Variants in ZNF706 observed in about 807,000 individuals in gnomAD.
ZNF706 encodes zinc finger protein 706.
Under a neutral mutation model 9.2 loss-of-function variants are expected in ZNF706, and 4 were observed. The observed-to-expected ratio is 0.43, with a 90% confidence interval of 0.21 to 0.99. The LOEUF (loss-of-function observed/expected upper bound fraction) is 0.99, where lower values mean the gene tolerates loss of function less well. Among genes scored for constraint, ZNF706 ranks in the 50% least tolerant of loss-of-function variants. ZNF706 has a pLI of 0.26. For synonymous variants in ZNF706, 28 were observed against 27.3 expected (o/e 1.03, Z -0.08); for missense variants, 27 against 87.8 (o/e 0.31, Z 2.77).
rs984534250 is a variant in ZNF706 at position 101,198,524 on chromosome 8, T to C, written c.*728A>G. ...TTAATGATTATTTCATTACGGCATA[T>C]ACATTAGAACCTAACCTTTCACAAG... On this transcript the variant is annotated 3_prime_UTR_variant, in exon 4 of 4. Coordinates refer to ENST00000311212, the MANE Select transcript of ZNF706 (RefSeq NM_016096.5). 2 of 152,230 alleles carry C rather than the reference T, an allele frequency of 1.3e-5. No individual in the cohort carries two copies. The allele number at this position is 152,230 out of a possible 1,614,324, so 9.4% of individuals were successfully genotyped here.
chr8:101,198,398 A>C lies in ZNF706; in HGVS notation c.*854T>G, dbSNP rs1416543138. On this transcript the variant is annotated 3_prime_UTR_variant, in exon 4 of 4. Transcript: ENST00000311212. ...CAAAAACCTCAAAAATTAATGTTTC[A>C]ATTTCAAATTAAAGAACTTCAAGAA... 6.6e-6 allele frequency: 1 copy of C among 152,224 alleles called. No individual in the cohort carries two copies. The highest frequency in any genetic ancestry group is 1.5e-5 in the Non-Finnish European group (1 of 68,018). The allele number at this position is 152,224 out of a possible 1,614,324, so 9.4% of individuals were successfully genotyped here. A position where few individuals can be genotyped will look rare whatever the true frequency, so the allele number is the denominator to read the frequency against.
At position 101,201,830 on chromosome 8, in the gene ZNF706, C is replaced by G; in HGVS notation, c.-2-87G>C. On this transcript the variant is annotated intron_variant, in intron 1 of 3. Transcript: ENST00000311212. This position sits in a 1 kb window ranked among gnomAD's most constrained non-coding sequence, Gnocchi z 4.5. ...ATAAGAACGTTCTTAGAATTGAAGC[C>G]TTAAGTTTTATAGAAATATCTGGCA... 7.3e-7 allele frequency: 1 copy of G among 1,370,916 alleles called. No individual in the cohort carries two copies. Among genetic ancestry groups the G allele is most frequent in the Non-Finnish European group, 9.9e-7 (1 of 1,008,090 alleles). 84.9% of individuals were successfully genotyped at this position (1,370,916 alleles called of 1,614,324 possible).
chr8:101,203,963 T>C (rs1810657590), intron 1 of ZNF706: 1 of 152,252 alleles, frequency 6.6e-6, no homozygotes, highest in African/African-American at 2.4e-5. Flanking sequence ...TCAGCCTTTA[T>C]GTATACCAAT....
Position 101,197,212 on chromosome 8 carries a change from G to A in ZNF706, c.*2040C>T, listed in dbSNP as rs1216610806. On this transcript the variant is annotated 3_prime_UTR_variant, in exon 4 of 4. Coordinates refer to ENST00000311212, the MANE Select transcript of ZNF706 (RefSeq NM_016096.5). ...GTAATAGAAATACAGCATACAAATG[G>A]ACCAATTCTCTCTCAGTGTTATTTT... The A allele has an allele frequency of 6.6e-5, 10 of 152,042 alleles. No individual in the cohort carries two copies. Among genetic ancestry groups the A allele is most frequent in the Admixed American group, 2.0e-4 (3 of 15,272 alleles). The allele number at this position is 152,042 out of a possible 1,614,324, so 9.4% of individuals were successfully genotyped here. A position where few individuals can be genotyped will look rare whatever the true frequency, so the allele number is the denominator to read the frequency against.
Position 101,201,330 on chromosome 8 carries a change from TA to T in ZNF706, c.135+276del. On this transcript the variant is annotated intron_variant, in intron 2 of 3. Transcript: ENST00000311212. This position sits in a 1 kb window ranked among gnomAD's most constrained non-coding sequence, Gnocchi z 4.5. ...TATATGATGTGCTAGTGAAGTGTAT[TA>T]TATGCCCTTATGAAGACATCTTTAT... 2.6e-6 allele frequency: 1 copy of T among 388,510 alleles called. No individual in the cohort carries two copies. The highest frequency in any genetic ancestry group is 4.6e-6 in the Non-Finnish European group (1 of 215,660). The allele number at this position is 388,510 out of a possible 1,614,324, so 24.1% of individuals were successfully genotyped here. A position where few individuals can be genotyped will look rare whatever the true frequency, so the allele number is the denominator to read the frequency against.
chr8:101,201,618 T>A lies in ZNF706; in HGVS notation c.124A>T (p.Thr42Ser), dbSNP rs144063500. 1.9e-4 allele frequency: 302 copies of A among 1,612,364 alleles called. 2 individuals carry two copies. The East Asian group carries it at 6.1e-3, about 33-fold the overall frequency. The change falls in exon 2 of 4, where the codon ACT becomes TCT. Residue 42 changes from threonine to serine, a missense_variant. Thr to Ser is a moderately conservative substitution (Grantham distance 58). Transcript: ENST00000311212. This position sits in a 1 kb window ranked among gnomAD's most constrained non-coding sequence, Gnocchi z 4.5. ...TCAATTCCCCTTACCCTACAGACAG[T>A]GCAGGTATATATTAAGGCAGCTTTG... ...AAKAALIYTCTVCRTQMPDPK... is the reference protein window; with the variant it reads ...AAKAALIYTCSVCRTQMPDPK...
At chr8:101,204,802 G>C (rs1810692095) in intron 1 of ZNF706, 1 of 985,304 alleles carries the variant, frequency 1.0e-6, no homozygotes, top group African/African-American at 1.7e-5. Context: ...ACATAAATGA[G>C]TAACAGAAGA....
At chr8:101,202,129 C>T (rs1042975900) in intron 1 of ZNF706, among the ~76,000 whole-genome samples, 10 of 151,828 alleles carry the variant, frequency 6.6e-5, no homozygotes, top group African/African-American at 2.2e-4. Context: ...ATTTATACAA[C>T]GGAATACTAC....
intron 1 of ZNF706, chr8:101,204,867 G>A: frequency 1.0e-6 from 1 of 985,738 alleles, no homozygotes; most frequent in Non-Finnish European, 1.2e-6. Flanking sequence ...CGGAAAGGAA[G>A]AGGCCCAGGC....
chr8:101,206,194 C>T (rs1021852829), upstream of ZNF706: 1 of 152,382 alleles, frequency 6.6e-6, no homozygotes, highest in African/African-American at 2.4e-5. Flanking sequence ...GCCCCGGCCC[C>T]CAGCGAGCCC....
At chr8:101,204,529 C>CA in intron 1 of ZNF706, 1 of 726,328 alleles carries the variant, frequency 1.4e-6, no homozygotes, top group Non-Finnish European at 1.7e-6. Flanking sequence ...TGCTTTTGGA[C>CA]AGCTCAACTT....
At position 101,201,719 on chromosome 8, in the gene ZNF706, A is replaced by G; in HGVS notation, c.23T>C (p.Ile8Thr). ...TTTGGCATTTTTCTGCTGAGACTGAATTTTCTGCTGTCCACGAGCCATATC... is the reference window on the plus strand; with the variant it reads ...TTTGGCATTTTTCTGCTGAGACTGAGTTTTCTGCTGTCCACGAGCCATATC... MARGQQKIQSQQKNAKKQ... is the reference protein window; with the variant it reads MARGQQKTQSQQKNAKKQ... The change falls in exon 2 of 4, where the codon ATT becomes ACT. Residue 8 changes from isoleucine to threonine, a missense_variant. Physicochemically the swap from Ile to Thr is moderately conservative, Grantham distance 89. Transcript: ENST00000311212. The surrounding 1 kb of genome is among the most constrained non-coding windows in gnomAD (Gnocchi z 4.5). 1 of 1,583,490 alleles carries G rather than the reference A, an allele frequency of 6.3e-7. No individual in the cohort carries two copies. The highest frequency in any genetic ancestry group is 8.6e-7 in the Non-Finnish European group (1 of 1,167,454).
Position 101,197,866 on chromosome 8 carries a change from T to C in ZNF706, c.*1386A>G, listed in dbSNP as rs1340589185. ...TACAGGGAAGACAAGGTGGGCAAAATATGCAGAGCTACAAAACAAAGCAAT... is the reference window on the plus strand; with the variant it reads ...TACAGGGAAGACAAGGTGGGCAAAACATGCAGAGCTACAAAACAAAGCAAT... On this transcript the variant is annotated 3_prime_UTR_variant, in exon 4 of 4. Coordinates refer to ENST00000311212, the MANE Select transcript of ZNF706 (RefSeq NM_016096.5). The C allele has an allele frequency of 6.6e-6, 1 of 152,160 alleles. No individual in the cohort carries two copies. The highest frequency in any genetic ancestry group is 2.4e-5 in the African/African-American group (1 of 41,444). The allele number at this position is 152,160 out of a possible 1,614,324, so 9.4% of individuals were successfully genotyped here. A position where few individuals can be genotyped will look rare whatever the true frequency, so the allele number is the denominator to read the frequency against.
At chr8:101,200,962 A>G in intron 2 of ZNF706, 1 of 254,322 alleles carries the variant, frequency 3.9e-6, no homozygotes, top group Non-Finnish European at 8.2e-6. Context: ...CAGCTGGGAG[A>G]CCCCACACAA....
chr8:101,199,265 A>G (rs923690413), intron 3 of ZNF706, 26 bp from the exon 4 acceptor site: 6 of 701,380 alleles, frequency 8.6e-6, no homozygotes, highest in East Asian at 8.1e-5. Flanking sequence ...AAAATTTTCA[A>G]TGAATGTTAC....
chr8:101,197,583 A>G lies in ZNF706; in HGVS notation c.*1669T>C, dbSNP rs1015262526. 5 of 152,152 alleles carry G rather than the reference A, an allele frequency of 3.3e-5. No individual in the cohort carries two copies. Among genetic ancestry groups the G allele is most frequent in the African/African-American group, 1.2e-4 (5 of 41,446 alleles). The allele number at this position is 152,152 out of a possible 1,614,324, so 9.4% of individuals were successfully genotyped here. A position where few individuals can be genotyped will look rare whatever the true frequency, so the allele number is the denominator to read the frequency against. Reference sequence around the variant, plus strand: ...GAATGGTTTTATATGATTTGTCACTAAACATATACATATGCTCAAAGCACT... The same window carrying G: ...GAATGGTTTTATATGATTTGTCACTGAACATATACATATGCTCAAAGCACT... On this transcript the variant is annotated 3_prime_UTR_variant, in exon 4 of 4. Transcript: ENST00000311212.
In ZNF706 at chr8:101,200,432, GCAT is replaced by G. The variant is rs1810516463; in HGVS notation, c.136-338_136-336del. The G allele has an allele frequency of 2.8e-5, 6 of 214,044 alleles. No individual in the cohort carries two copies. In the South Asian group the frequency reaches 3.8e-4, roughly 14 times the overall value. The allele number at this position is 214,044 out of a possible 1,614,324, so 13.3% of individuals were successfully genotyped here. ...TCAAAGTAATCTTTAGCTCCTACTA[GCAT>G]CATTTTACCTGATAAGGAAACTAAA... On this transcript the variant is annotated intron_variant, in intron 2 of 3. Transcript: ENST00000311212.
At position 101,198,631 on chromosome 8, in the gene ZNF706, T is replaced by C. The variant is rs1043803837; in HGVS notation, c.*621A>G. The C allele has an allele frequency of 6.6e-6, 1 of 152,222 alleles. No homozygotes were observed. The highest frequency in any genetic ancestry group is 2.4e-5 in the African/African-American group (1 of 41,448). 9.4% of individuals were successfully genotyped at this position (152,222 alleles called of 1,614,324 possible). ...CTGACTGGCAGTTAGAGCCAGGTCA[T>C]ACTGCAATTTTAAATATTCCAACTC... On this transcript the variant is annotated 3_prime_UTR_variant, in exon 4 of 4. Transcript: ENST00000311212.
rs1375266755 is a variant in ZNF706 at position 101,198,429 on chromosome 8, AAAG to A, written c.*820_*822del. 2.0e-5 allele frequency: 3 copies of A among 152,344 alleles called. No individual in the cohort carries two copies. In the East Asian group the frequency reaches 5.8e-4, roughly 29 times the overall value. 9.4% of individuals were successfully genotyped at this position (152,344 alleles called of 1,614,324 possible). On this transcript the variant is annotated 3_prime_UTR_variant, in exon 4 of 4. Transcript: ENST00000311212. ...AAATTAAAGAACTTCAAGAATTTTC[AAAG>A]AATATAGTATCAAGATCGACCTTTA...
Sources: gnomAD v4.1 joint callset for allele counts (sites outside exome capture counted in the v4.1 genomes callset) on GRCh38, gnomAD v4.1.1 for gene constraint, Gnocchi (gnomAD v3.1) non-coding constraint, MANE v1.5 for transcripts, NCBI Gene and HGNC (gene_info 2026-07-23, HGNC 2026-07-21) for gene names.